COL28A1: variants seen among roughly 807,000 people sequenced by gnomAD.
The protein encoded by COL28A1 is collagen type XXVIII alpha 1 chain.
Under a neutral mutation model 150.2 loss-of-function variants are expected in COL28A1, and 161 were observed. The observed-to-expected ratio is 1.07, with a 90% confidence interval of 0.94 to 1.22. The LOEUF is 1.22. COL28A1 is among the 50% of genes most tolerant of loss of function. The probability of loss-of-function intolerance (pLI) is 0.00; values close to 1 mark genes in which losing one functional copy is unlikely to be tolerated. For synonymous variants in COL28A1, 552 were observed against 469.7 expected (o/e 1.18, Z -2.26); for missense variants, 1,617 against 1,388.3 (o/e 1.16, Z -2.62).
intron 3 of COL28A1, among the ~76,000 whole-genome samples, chr7:7,526,550 A>G (rs911062657): frequency 6.6e-6 from 1 of 152,258 alleles, no homozygotes; most frequent in African/African-American, 2.4e-5. Flanking sequence ...ATTCAAGTCA[A>G]ATTGTAATAT....
chr7:7,521,882 G>A, intron 5 of COL28A1, 23 bp downstream of exon 5: 2 of 932,110 alleles, frequency 2.1e-6, no homozygotes, highest in South Asian at 2.6e-5. Flanking sequence ...TCTGACTTAA[G>A]TTCAAAGTGG....
downstream of COL28A1, among the ~76,000 whole-genome samples, chr7:7,354,324 T>C (rs1355998868): frequency 6.6e-6 from 1 of 152,178 alleles, no homozygotes; most frequent in East Asian, 1.9e-4. Context: ...ACCTAGAAAT[T>C]ACCAATGTTA....
At chr7:7,513,519 T>A (rs568015762) in intron 8 of COL28A1, among the ~76,000 whole-genome samples, 4 of 152,212 alleles carry the variant, frequency 2.6e-5, no homozygotes, top group Non-Finnish European at 5.9e-5. Context: ...TCTCTTCACA[T>A]CCTTTCGTGA....
rs147633337 is a variant in COL28A1, at chr7:7,489,583, G to A, written c.1096-126C>T. 6.5e-3 allele frequency: 4,171 copies of A among 645,050 alleles called. 16 individuals are homozygous for A. Among genetic ancestry groups the A allele is most frequent in the East Asian group, 0.016 (576 of 35,834 alleles). The allele number at this position is 645,050 out of a possible 1,614,324, so 40.0% of individuals were successfully genotyped here. On this transcript the variant is annotated intron_variant, in intron 12 of 34. Coordinates refer to ENST00000399429, the MANE Select transcript of COL28A1 (RefSeq NM_001037763.3). Reference sequence around the variant, plus strand: ...TAGACAAAATGTTGGTTTTCATAAAGGTAAAAAATTCTAGAGGAAGAGAAA... The same window carrying A: ...TAGACAAAATGTTGGTTTTCATAAAAGTAAAAAATTCTAGAGGAAGAGAAA...
intron 11 of COL28A1, among the ~76,000 whole-genome samples, chr7:7,505,615 T>G (rs532104269): frequency 6.6e-6 from 1 of 152,338 alleles, no homozygotes; most frequent in Admixed American, 6.5e-5. Flanking sequence ...GTATAACAAC[T>G]GTAAATTTCC....
chr7:7,495,891 T>A (rs568683420), intron 11 of COL28A1, among the ~76,000 whole-genome samples: 8 of 152,244 alleles, frequency 5.3e-5, no homozygotes, highest in Non-Finnish European at 7.4e-5. Context: ...AAGACAGAGC[T>A]CCTTACAAGG....
chr7:7,352,730 T>C (rs1780259019), downstream of COL28A1, among the ~76,000 whole-genome samples: 1 of 152,192 alleles, frequency 6.6e-6, no homozygotes. Context: ...ATCAGACTTC[T>C]GACCTACAAA....
At chr7:7,526,581 A>C (rs942579862) in intron 3 of COL28A1, among the ~76,000 whole-genome samples, 1 of 152,232 alleles carries the variant, frequency 6.6e-6, no homozygotes, top group Admixed American at 6.5e-5. Context: ...CTACTGAAAT[A>C]AAGAAAAATT....
At chr7:7,446,004 A>G (rs912585621) in intron 18 of COL28A1, among the ~76,000 whole-genome samples, 3 of 151,856 alleles carry the variant, frequency 2.0e-5, no homozygotes, top group Admixed American at 6.6e-5. Flanking sequence ...GATTACAGGC[A>G]TGTGCCACCA....
chr7:7,483,024 T>C (rs1415360668), intron 13 of COL28A1, among the ~76,000 whole-genome samples: 1 of 152,120 alleles, frequency 6.6e-6, no homozygotes, highest in Non-Finnish European at 1.5e-5. Context: ...ACTGAGAGAC[T>C]GAGATTCCCA....
chr7:7,535,504 C>T (rs1219050695), intron 1 of COL28A1, among the ~76,000 whole-genome samples: 3 of 151,956 alleles, frequency 2.0e-5, no homozygotes, highest in Non-Finnish European at 4.4e-5. Flanking sequence ...ATATTAACAT[C>T]GTTGTAAAAC....
chr7:7,424,148 G>A (rs1041270713), intron 25 of COL28A1, among the ~76,000 whole-genome samples: 1 of 152,134 alleles, frequency 6.6e-6, no homozygotes, highest in East Asian at 1.9e-4. Context: ...AAGTCTTAAC[G>A]TTCTGCAGAT....
chr7:7,531,602 G>C lies in COL28A1; in HGVS notation c.427C>G (p.Leu143Val), dbSNP rs376583525. 1.1e-5 allele frequency: 17 copies of C among 1,604,440 alleles called. No homozygotes were observed. Among genetic ancestry groups the C allele is most frequent in the East Asian group, 2.2e-5 (1 of 44,846 alleles). The change falls in exon 3 of 35, where the codon CTA becomes GTA. Residue 143 changes from leucine to valine, a missense_variant. Leu to Val is a conservative substitution (Grantham distance 32). Coordinates refer to ENST00000399429, the MANE Select transcript of COL28A1 (RefSeq NM_001037763.3). ...TCCTTACGCCCTTCTCTCTTAAGTA[G>C]CCTAGTGGCATTGGAAATGGCATAA... ...SYYAISNATR[L>V]LKREGRKDGV...
chr7:7,512,575 AAT>A (rs1781203020), intron 8 of COL28A1, among the ~76,000 whole-genome samples: 1 of 152,190 alleles, frequency 6.6e-6, no homozygotes, highest in Non-Finnish European at 1.5e-5. Flanking sequence ...TCTGAATACT[AAT>A]CCATTATATC....
chr7:7,485,744 T>A (rs547196824), intron 13 of COL28A1, among the ~76,000 whole-genome samples: 13 of 152,318 alleles, frequency 8.5e-5, no homozygotes, highest in African/African-American at 2.4e-4. Context: ...ATTGGATTGC[T>A]TTCACAATCT....
intron 15 of COL28A1, among the ~76,000 whole-genome samples, chr7:7,461,076 T>C (rs1461621383): frequency 6.6e-6 from 1 of 152,182 alleles, no homozygotes; most frequent in African/African-American, 2.4e-5. Context: ...ACATCCCAAA[T>C]ATTGTGAGTG....
At chr7:7,480,728 G>A in intron 13 of COL28A1, among the ~76,000 whole-genome samples, 1 of 152,178 alleles carries the variant, frequency 6.6e-6, no homozygotes, top group Non-Finnish European at 1.5e-5. Flanking sequence ...ACGGCATTGT[G>A]CTAGGTTCTA....
At chr7:7,502,553 C>T (rs1443629371) in intron 11 of COL28A1, among the ~76,000 whole-genome samples, 1 of 152,084 alleles carries the variant, frequency 6.6e-6, no homozygotes, top group Non-Finnish European at 1.5e-5. Flanking sequence ...CATAGGCAGG[C>T]CCTATCTAGA....
rs768097197 is a variant in COL28A1 at position 7,452,324 on chromosome 7, G to C, written c.1504C>G (p.Pro502Ala). The change falls in exon 18 of 35, where the codon CCA becomes GCA. Residue 502 changes from proline (P) to alanine (A), a missense_variant. Pro to Ala is a conservative substitution (Grantham distance 27). Transcript: ENST00000399429. ...RGPVGIGVQGPKGEPGSIGLP... is the reference protein window; with the variant it reads ...RGPVGIGVQGAKGEPGSIGLP... ...CTGAGCAGCAGTCAACTCACCTTTG[G>C]ACCTTGTACTCCAATTCCCACTGGT... 6.9e-6 allele frequency: 11 copies of C among 1,604,268 alleles called. No individual in the cohort carries two copies. The highest frequency in any genetic ancestry group is 1.7e-4 in the Middle Eastern group (1 of 6,056).
Sources: gnomAD v4.1 joint callset for allele counts (sites outside exome capture counted in the v4.1 genomes callset) on GRCh38, gnomAD v4.1.1 for gene constraint, MANE v1.5 for transcripts, NCBI Gene and HGNC (gene_info 2026-07-23, HGNC 2026-07-21) for gene names.